SNTG1: variants seen among roughly 807,000 people sequenced by gnomAD.
The protein encoded by SNTG1 is gamma-1-syntrophin.
A neutral mutation model predicts 74.7 loss-of-function variants in SNTG1; 39 were observed. The observed-to-expected ratio is 0.52, with a 90% CI of 0.40 to 0.68. The LOEUF (loss-of-function observed/expected upper bound fraction) is 0.68. Among genes scored for constraint, SNTG1 ranks in the 30% least tolerant of loss-of-function variants. The pLI is 0.00. For missense variants in SNTG1, 685 were observed against 609.5 expected, an observed-to-expected ratio of 1.12 and a Z score of -1.30; for synonymous variants, 254 against 217.1, an observed-to-expected ratio of 1.17 and a Z score of -1.49.
At chr8:50,760,491 CT>C (rs1285521002) in intron 18 of SNTG1, among the ~76,000 whole-genome samples, 5 of 151,808 alleles carry the variant, frequency 3.3e-5, no homozygotes, top group Non-Finnish European at 5.9e-5. Context: ...ATAAATAGCT[CT>C]TATTATTTTG....
intron 1 of SNTG1, among the ~76,000 whole-genome samples, chr8:50,084,760 G>T (rs1401372851): frequency 1.3e-5 from 2 of 152,170 alleles, no homozygotes; most frequent in Non-Finnish European, 2.9e-5. Flanking sequence ...GGTCACAAGG[G>T]CTCTGCCCAC....
intron 2 of SNTG1, among the ~76,000 whole-genome samples, chr8:50,289,325 T>C (rs1443657308): frequency 1.3e-5 from 2 of 152,158 alleles, no homozygotes; most frequent in Non-Finnish European, 2.9e-5. Flanking sequence ...TATCACCGAA[T>C]AGAATGCACA....
chr8:49,921,344 G>T (rs759041995), intron 1 of SNTG1, among the ~76,000 whole-genome samples: 1 of 152,038 alleles, frequency 6.6e-6, no homozygotes, highest in Non-Finnish European at 1.5e-5. Flanking sequence ...GAAAGGAATG[G>T]ATGTTTGAGG....
intron 4 of SNTG1, among the ~76,000 whole-genome samples, chr8:50,414,175 TATA>T (rs1263358929): frequency 7.2e-5 from 11 of 152,174 alleles, no homozygotes; most frequent in Admixed American, 7.2e-4. Flanking sequence ...AGTTTGGCTC[TATA>T]ATGTGTTATG....
intron 14 of SNTG1, among the ~76,000 whole-genome samples, 199 bp from the exon 15 acceptor site, chr8:50,658,393 A>G (rs926763263): frequency 3.9e-5 from 6 of 152,212 alleles, no homozygotes; most frequent in Non-Finnish European, 5.9e-5. Flanking sequence ...TGCTGAAAGC[A>G]TAAGACAAAT....
chr8:50,470,629 T>TA (rs752601017), intron 8 of SNTG1, among the ~76,000 whole-genome samples: 3 of 152,190 alleles, frequency 2.0e-5, no homozygotes, highest in Non-Finnish European at 4.4e-5. Context: ...CAGTGAGTGT[T>TA]ACAGCTCTTA....
intron 1 of SNTG1, among the ~76,000 whole-genome samples, chr8:50,018,774 G>T (rs1475120541): frequency 6.6e-6 from 1 of 151,886 alleles, no homozygotes; most frequent in African/African-American, 2.4e-5. Flanking sequence ...GCAAATTAAA[G>T]CCACAGTTTT....
chr8:50,176,758 G>A (rs2083013466), intron 2 of SNTG1, among the ~76,000 whole-genome samples: 1 of 152,214 alleles, frequency 6.6e-6, no homozygotes, highest in Non-Finnish European at 1.5e-5. Context: ...GAACATTTCT[G>A]TAGCTCCATT....
intron 12 of SNTG1, among the ~76,000 whole-genome samples, chr8:50,555,908 CAA>C (rs1294861268): frequency 2.0e-5 from 3 of 151,866 alleles, no homozygotes; most frequent in African/African-American, 2.4e-5. Context: ...AAAGCAAAAA[CAA>C]AAAACGAAAA....
At chr8:50,501,388 ACTT>A (rs1341615209) in intron 8 of SNTG1, among the ~76,000 whole-genome samples, 3 of 111,932 alleles carry the variant, frequency 2.7e-5, no homozygotes, top group Non-Finnish European at 5.3e-5. Context: ...TTACAGTTGT[ACTT>A]CTTGGGGAGG....
At chr8:50,312,292 G>A (rs1002732284) in intron 2 of SNTG1, among the ~76,000 whole-genome samples, 14 of 151,988 alleles carry the variant, frequency 9.2e-5, no homozygotes, top group South Asian at 2.1e-4. Context: ...TCAATTCCCC[G>A]CTAGTCTTAT....
chr8:50,148,807 C>T (rs2081964644), intron 1 of SNTG1, among the ~76,000 whole-genome samples: 2 of 152,186 alleles, frequency 1.3e-5, no homozygotes, highest in South Asian at 4.1e-4. Flanking sequence ...CATTGATGCA[C>T]ATTTGGGTTG....
At chr8:50,305,457 A>G (rs2089849656) in intron 2 of SNTG1, among the ~76,000 whole-genome samples, 1 of 151,942 alleles carries the variant, frequency 6.6e-6, no homozygotes. Flanking sequence ...ATTCAAATAC[A>G]AATTTTAAGT....
intron 1 of SNTG1, among the ~76,000 whole-genome samples, chr8:50,101,441 G>C (rs867301720): frequency 6.6e-5 from 10 of 151,990 alleles, no homozygotes; most frequent in Admixed American, 5.3e-4. Flanking sequence ...CTTCAGCATC[G>C]TTATTCTTTG....
chr8:50,376,795 C>T (rs931871136), intron 2 of SNTG1, among the ~76,000 whole-genome samples: 2 of 133,554 alleles, frequency 1.5e-5, no homozygotes, highest in African/African-American at 5.3e-5. Context: ...AATAGTGCTT[C>T]CCCAAGGGTT....
chr8:50,509,038 G>T (rs900748512), intron 9 of SNTG1, among the ~76,000 whole-genome samples: 5 of 152,112 alleles, frequency 3.3e-5, no homozygotes, highest in African/African-American at 1.2e-4. Flanking sequence ...TTCTTCTAGG[G>T]TTTTTATGGT....
rs182101685 is a variant in SNTG1, at chr8:50,428,841, A to C, written c.163-9702A>C. On this transcript the variant is annotated intron_variant, in intron 4 of 18. Transcript: ENST00000642720. The stretch of plus-strand genomic sequence containing the variant: ...TCTAGGGAGGTAAGTTCTGTGCCTA[A>C]GTCTTCTAAGATGGAATGCTATTAC... Among the ~76,000 whole-genome samples, 389 of 152,274 alleles carry C rather than the reference A, an allele frequency of 2.6e-3. 1 individual carries two copies. Among genetic ancestry groups the C allele is most frequent in the African/African-American group, 8.8e-3 (366 of 41,566 alleles).
intron 8 of SNTG1, among the ~76,000 whole-genome samples, chr8:50,490,352 T>TA (rs1431218332): frequency 6.6e-6 from 1 of 152,206 alleles, no homozygotes; most frequent in Admixed American, 6.5e-5. Context: ...ATCTATAAAT[T>TA]ACTTTGGGCA....
chr8:50,719,824 T>C (rs987686563), intron 17 of SNTG1, among the ~76,000 whole-genome samples: 1 of 152,226 alleles, frequency 6.6e-6, no homozygotes. Context: ...TAATCTATAA[T>C]GTTTGAGTTT....
Sources: allele counts gnomAD v4.1 joint callset (sites outside exome capture counted in the v4.1 genomes callset), GRCh38; gene constraint gnomAD v4.1.1; transcripts MANE v1.5; gene names NCBI Gene and HGNC (gene_info 2026-07-23, HGNC 2026-07-21).